Variants in RAVER1 observed in about 807,000 individuals in gnomAD.
RAVER1 encodes ribonucleoprotein PTB-binding 1.
Under a neutral mutation model 68.4 loss-of-function variants are expected in RAVER1, and 36 were observed. The ratio of observed to expected loss-of-function variants is 0.53; its 90% CI spans 0.40 to 0.70. The LOEUF is 0.70. RAVER1 is among the 30% of genes least tolerant of loss of function. RAVER1 has a pLI of 0.00. For synonymous variants in RAVER1, 469 were observed against 472.7 expected (o/e 0.99, Z 0.10); for missense variants, 933 against 1,019.8 (o/e 0.91, Z 1.16).
chr19:10,326,042 A>G (rs180884519), intron 3 of RAVER1, among the ~76,000 whole-genome samples: 3 of 152,128 alleles, frequency 2.0e-5, no homozygotes, highest in Non-Finnish European at 4.4e-5. Context: ...TATCACCTGA[A>G]GTCAGGAGTT....
At chr19:10,330,867 C>A (rs922441620) in intron 1 of RAVER1, among the ~76,000 whole-genome samples, 1 of 150,464 alleles carries the variant, frequency 6.6e-6, no homozygotes, top group Non-Finnish European at 1.5e-5. Context: ...AGTTCGAGAC[C>A]AGCCTGGCCA....
Position 10,328,734 on chromosome 19 carries a change from A to G in RAVER1, c.664T>C (p.Cys222Arg), listed in dbSNP as rs1408765550. ...QLTPALLHSR[C>R]LCVDRLPPGF... The stretch of plus-strand genomic sequence containing the variant: ...GGTGGCAGGCGGTCCACACAGAGGC[A>G]GCGGGAGTGGAGAAGGGCAGGCGTC... Residue 222 changes from cysteine to arginine, a missense_variant, in exon 3 of 13, where the codon TGC (cysteine) becomes CGC (arginine). Around this residue, in one of 3 missense-constraint regions of RAVER1, gnomAD observed 699 missense variants for 731.1 expected, o/e 0.96. Coordinates refer to ENST00000617231, the MANE Select transcript of RAVER1 (RefSeq NM_133452.3). The surrounding 1 kb of genome is among the most constrained non-coding windows in gnomAD (Gnocchi z 4.4). 1 of 1,612,314 alleles carries G rather than the reference A, an allele frequency of 6.2e-7. No homozygotes were observed. The highest frequency in any genetic ancestry group is 8.5e-7 in the Non-Finnish European group (1 of 1,179,622).
chr19:10,324,123 C>T (rs1599301969), intron 3 of RAVER1, among the ~76,000 whole-genome samples: 1 of 148,860 alleles, frequency 6.7e-6, no homozygotes, highest in African/African-American at 2.5e-5. Context: ...CACTGCACTC[C>T]AGCCTGGGCA....
At chr19:10,324,817 T>C (rs281423) in intron 3 of RAVER1, among the ~76,000 whole-genome samples, 127,544 of 152,148 alleles carry the variant, frequency 0.84, 54,115 homozygotes, top group African/African-American at 0.93. Context: ...TCCATTCAGC[T>C]GGGTCACCTA....
In RAVER1 at chr19:10,329,080, G is replaced by C; in HGVS notation, c.318C>G (p.Ala106=). The change falls in exon 3 of 13, where the codon GCC becomes GCG. Residue 106 remains alanine, a synonymous_variant. Coordinates refer to ENST00000617231, the MANE Select transcript of RAVER1 (RefSeq NM_133452.3). This position sits in a 1 kb window ranked among gnomAD's most constrained non-coding sequence, Gnocchi z 4.6. The part of the protein sequence containing the change: ...AFVTLLNGEQ[A]EAAINAFHQS... ...GGTGGAAAGCATTGATTGCGGCCTC[G>C]GCCTGCTCCCCATTCAGCAGGGTCA... 6.7e-7 allele frequency: 1 copy of C among 1,501,812 alleles called. No homozygotes were observed. Among genetic ancestry groups the C allele is most frequent in the South Asian group, 1.3e-5 (1 of 74,312 alleles). The allele number at this position is 1,501,812 out of a possible 1,614,324, so 93.0% of individuals were successfully genotyped here. A position where few individuals can be genotyped will look rare whatever the true frequency, so the allele number is the denominator to read the frequency against.
At chr19:10,330,017 G>C (rs367937703) in intron 2 of RAVER1, among the ~76,000 whole-genome samples, 1 of 152,028 alleles carries the variant, frequency 6.6e-6, no homozygotes, top group African/African-American at 2.4e-5. Context: ...CAGCTACTCG[G>C]GAGGCTGAAG....
At position 10,322,533 on chromosome 19, in the gene RAVER1, T is replaced by C; in HGVS notation, c.1173+112A>G. 4 of 753,784 alleles carry C rather than the reference T, an allele frequency of 5.3e-6. No individual in the cohort carries two copies. The highest frequency in any genetic ancestry group is 8.4e-6 in the Non-Finnish European group (4 of 476,678). 46.7% of individuals were successfully genotyped at this position (753,784 alleles called of 1,614,324 possible). On this transcript the variant is annotated intron_variant, in intron 6 of 12. Transcript: ENST00000617231. This position sits in a 1 kb window ranked among gnomAD's most constrained non-coding sequence, Gnocchi z 4.3. ...GGGGGAGTCGCCCTCACCCTGGTTCTGCGCCCCCAGGGCACAGCCAGAGGT... is the reference window on the plus strand; with the variant it reads ...GGGGGAGTCGCCCTCACCCTGGTTCCGCGCCCCCAGGGCACAGCCAGAGGT...
intron 1 of RAVER1, among the ~76,000 whole-genome samples, chr19:10,332,906 G>C (rs932040423): frequency 6.6e-6 from 1 of 152,114 alleles, no homozygotes; most frequent in East Asian, 1.9e-4. Context: ...GTGAGGTCCC[G>C]CCACCCTGTG....
Position 10,329,090 on chromosome 19 carries a change from C to A in RAVER1, c.308G>T (p.Gly103Val). 3 of 1,491,806 alleles carry A rather than the reference C, an allele frequency of 2.0e-6. No individual in the cohort carries two copies. The highest frequency in any genetic ancestry group is 2.7e-6 in the Non-Finnish European group (3 of 1,118,476). 92.4% of individuals were successfully genotyped at this position (1,491,806 alleles called of 1,614,324 possible). A position where few individuals can be genotyped will look rare whatever the true frequency, so the allele number is the denominator to read the frequency against. The change falls in exon 3 of 13, where the codon GGG (glycine) becomes GTG (valine). Residue 103 changes from glycine (G) to valine (V), a missense_variant. By Grantham distance (109) the Gly-to-Val change is moderately radical (BLOSUM62 -3). Around this residue, in one of 3 missense-constraint regions of RAVER1, gnomAD observed 211 missense variants for 230.0 expected, o/e 0.92. Transcript: ENST00000617231. The surrounding 1 kb of genome is among the most constrained non-coding windows in gnomAD (Gnocchi z 4.6). ...KGTAFVTLLNGEQAEAAINAF... is the reference protein window; with the variant it reads ...KGTAFVTLLNVEQAEAAINAF... The stretch of plus-strand genomic sequence containing the variant: ...ATTGATTGCGGCCTCGGCCTGCTCC[C>A]CATTCAGCAGGGTCACGAAGGCTGC...
intron 9 of RAVER1, 100 bp downstream of exon 9, chr19:10,320,555 G>C: frequency 2.4e-6 from 2 of 817,268 alleles, no homozygotes; most frequent in Non-Finnish European, 3.6e-6. Context: ...GTTCCCTGCC[G>C]CCTCCCTAGC....
At chr19:10,320,980 G>GC in intron 8 of RAVER1, 29 bp from the exon 9 acceptor site, 1 of 1,487,074 alleles carries the variant, frequency 6.7e-7, no homozygotes, top group Non-Finnish European at 8.9e-7. Flanking sequence ...ATTCGAGAGG[G>GC]CCCCCGGGAG....
At position 10,324,154 on chromosome 19, in the gene RAVER1, C is replaced by CAAA. The variant is rs60714347; in HGVS notation, c.757-591_757-589dup. Among the ~76,000 whole-genome samples, 4 of 95,278 alleles carry CAAA rather than the reference C, an allele frequency of 4.2e-5. No homozygotes were observed. In the Admixed American group the frequency reaches 4.2e-4, roughly 10 times the overall value. The allele number at this position is 95,278 out of a possible 152,430, so 62.5% of individuals were successfully genotyped here. Reference sequence around the variant, plus strand: ...GGGCAACAAGAGCAAAACTCCATCTCAAAAAAAAAAAAAAAAAAGAGATAA... The same window carrying CAAA: ...GGGCAACAAGAGCAAAACTCCATCTCAAAAAAAAAAAAAAAAAAAAAGAGATAA... On this transcript the variant is annotated intron_variant, in intron 3 of 12. Coordinates refer to ENST00000617231, the MANE Select transcript of RAVER1 (RefSeq NM_133452.3).
At chr19:10,321,832 G>C (rs907518673) in intron 6 of RAVER1, 10 of 376,474 alleles carry the variant, frequency 2.7e-5, no homozygotes, top group Non-Finnish European at 4.7e-5. Flanking sequence ...CCAGGCCCCA[G>C]TTCCCTGGCC....
In RAVER1 at chr19:10,323,925, G is replaced by A. The variant is rs2040457064; in HGVS notation, c.757-359C>T. ...GCACTTTGGGAGGCCGAGGCGGGCA[G>A]ATAACCTGAGGTCGGGAGTTCGAGA... is the stretch of plus-strand genomic sequence containing the variant. On this transcript the variant is annotated intron_variant, in intron 3 of 12. Coordinates refer to ENST00000617231, the MANE Select transcript of RAVER1 (RefSeq NM_133452.3). The surrounding 1 kb of genome is among the most constrained non-coding windows in gnomAD (Gnocchi z 6.2). 6.6e-6 allele frequency among the ~76,000 whole-genome samples: 1 copy of A among 152,172 alleles called. No homozygotes were observed. Among genetic ancestry groups the A allele is most frequent in the Admixed American group, 6.5e-5 (1 of 15,270 alleles).
At chr19:10,331,053 CAACAAT>C (rs1029468099) in intron 1 of RAVER1, among the ~76,000 whole-genome samples, 4 of 147,208 alleles carry the variant, frequency 2.7e-5, no homozygotes, top group African/African-American at 1.0e-4. Context: ...ACACTGTCAA[CAACAAT>C]AACAACAAGG....
chr19:10,318,850 G>A lies in RAVER1; in HGVS notation c.1845+316C>T, dbSNP rs368146870. Among the ~76,000 whole-genome samples, 74 of 152,308 alleles carry A rather than the reference G, an allele frequency of 4.9e-4. No homozygotes were observed. In the East Asian group the frequency reaches 0.012, roughly 25 times the overall value. On this transcript the variant is annotated intron_variant, in intron 10 of 12. Coordinates refer to ENST00000617231, the MANE Select transcript of RAVER1 (RefSeq NM_133452.3). ...GCTCACTGAGACCCAGGTGAGTGCCGGGGACCGCCCACTGCCCCATAGAGT... is the reference window on the plus strand; with the variant it reads ...GCTCACTGAGACCCAGGTGAGTGCCAGGGACCGCCCACTGCCCCATAGAGT...
rs1280748861 is a variant in RAVER1 at position 10,328,949 on chromosome 19, T to A, written c.449A>T (p.Glu150Val). 3.1e-6 allele frequency: 5 copies of A among 1,606,948 alleles called. No homozygotes were observed. In the East Asian group the frequency reaches 8.9e-5, roughly 29 times the overall value. The change falls in exon 3 of 13, where the codon GAG (glutamate) becomes GTG (valine). Residue 150 changes from glutamate to valine, a missense_variant. By Grantham distance (121) the Glu-to-Val change is moderately radical. Around this residue, in one of 3 missense-constraint regions of RAVER1, gnomAD observed 211 missense variants for 230.0 expected, o/e 0.92. Coordinates refer to ENST00000617231, the MANE Select transcript of RAVER1 (RefSeq NM_133452.3). The surrounding 1 kb of genome is among the most constrained non-coding windows in gnomAD (Gnocchi z 4.4). ...CAGGCTGCCGAAGGGCCGCACCAGCTCCTCGAACTGCTGCTGTGTGAGGCT... is the reference window on the plus strand; with the variant it reads ...CAGGCTGCCGAAGGGCCGCACCAGCACCTCGAACTGCTGCTGTGTGAGGCT... ...PPSLTQQQFE[E>V]LVRPFGSLER... is the part of the protein sequence containing the mutation.
intron 1 of RAVER1, among the ~76,000 whole-genome samples, chr19:10,331,343 C>T (rs1474491221): frequency 3.7e-5 from 4 of 107,488 alleles, no homozygotes; most frequent in East Asian, 2.8e-4. Flanking sequence ...GGCGACAGAG[C>T]GAGACTCCGT....
At chr19:10,324,813 C>G (rs2040463142) in intron 3 of RAVER1, among the ~76,000 whole-genome samples, 1 of 152,168 alleles carries the variant, frequency 6.6e-6, no homozygotes, top group South Asian at 2.1e-4. Context: ...ACCCTCCATT[C>G]AGCTGGGTCA....
Sources: gnomAD v4.1 joint callset for allele counts (sites outside exome capture counted in the v4.1 genomes callset) on GRCh38, gnomAD v4.1.1 for gene constraint, gnomAD v4.1.1 regional missense constraint, Gnocchi (gnomAD v3.1) non-coding constraint, MANE v1.5 for transcripts, NCBI Gene and HGNC (gene_info 2026-07-23, HGNC 2026-07-21) for gene names.